The following NKAIN2 variants were observed in gnomAD, a reference collection of about 807,000 sequenced individuals.
The protein encoded by NKAIN2 is sodium/potassium-transporting ATPase subunit beta-1-interacting protein 2.
NKAIN2 carries 14 observed loss-of-function variants against 32.6 expected under a neutral mutation model. That is an observed-to-expected ratio of 0.43 (90% CI 0.28 to 0.67). The LOEUF (loss-of-function observed/expected upper bound fraction) is 0.67, where lower values mean the gene tolerates loss of function less well. Among genes scored for constraint, NKAIN2 ranks in the 30% least tolerant of loss-of-function variants. The pLI is 0.17. For missense variants in NKAIN2, 198 were observed against 258.3 expected (o/e 0.77, Z 1.60); for synonymous variants, 80 against 87.2 (o/e 0.92, Z 0.46).
intron 3 of NKAIN2, among the ~76,000 whole-genome samples, chr6:124,626,613 A>C (rs1302350717): frequency 6.6e-6 from 1 of 152,162 alleles, no homozygotes; most frequent in East Asian, 1.9e-4. Context: ...TAGTAGTCAA[A>C]AAGGGAATTA....
chr6:124,522,770 C>A (rs1192330697), intron 3 of NKAIN2, among the ~76,000 whole-genome samples: 1 of 152,018 alleles, frequency 6.6e-6, no homozygotes, highest in Non-Finnish European at 1.5e-5. Context: ...GATGGAAAAT[C>A]TATATTGATA....
chr6:124,243,585 C>T (rs111611659), intron 1 of NKAIN2, among the ~76,000 whole-genome samples: 1,606 of 152,008 alleles, frequency 0.011, 12 homozygotes, highest in Non-Finnish European at 0.016. Context: ...AAATGTCATC[C>T]ATATGGATCT....
chr6:124,458,095 A>G (rs1776391371), intron 3 of NKAIN2, among the ~76,000 whole-genome samples: 1 of 151,878 alleles, frequency 6.6e-6, no homozygotes, highest in Non-Finnish European at 1.5e-5. Flanking sequence ...AAATAATTAT[A>G]TTTTCATAGC....
At chr6:123,925,350 A>C (rs1775960123) in intron 1 of NKAIN2, among the ~76,000 whole-genome samples, 1 of 152,206 alleles carries the variant, frequency 6.6e-6, no homozygotes, top group Non-Finnish European at 1.5e-5. Flanking sequence ...ATCTGGAAAC[A>C]CTAGCAGTAT....
intron 3 of NKAIN2, among the ~76,000 whole-genome samples, chr6:124,387,098 T>C (rs2114397878): frequency 6.6e-6 from 1 of 152,272 alleles, no homozygotes; most frequent in South Asian, 2.1e-4. Context: ...GCATAGTGTT[T>C]TGAAAACATG....
At chr6:124,122,912 A>G (rs928481552) in intron 1 of NKAIN2, among the ~76,000 whole-genome samples, 2 of 152,166 alleles carry the variant, frequency 1.3e-5, no homozygotes, top group African/African-American at 4.8e-5. Context: ...AGAGAATTGC[A>G]TAGAATTTTT....
chr6:124,337,232 C>T (rs1441449491), intron 2 of NKAIN2, among the ~76,000 whole-genome samples: 1 of 152,140 alleles, frequency 6.6e-6, no homozygotes, highest in African/African-American at 2.4e-5. Context: ...TGTGGTGGCT[C>T]ACGCCTGTAA....
intron 1 of NKAIN2, among the ~76,000 whole-genome samples, chr6:124,225,330 A>G (rs548159998): frequency 3.3e-4 from 50 of 152,120 alleles, no homozygotes; most frequent in African/African-American, 1.2e-3. Context: ...GTCATTTATG[A>G]TACTATGTCT....
intron 2 of NKAIN2, among the ~76,000 whole-genome samples, chr6:124,333,650 A>G (rs1797752703): frequency 6.7e-6 from 1 of 148,266 alleles, no homozygotes; most frequent in Admixed American, 7.1e-5. Flanking sequence ...ACAGAGTGAG[A>G]CTCAGTCTCT....
At chr6:124,186,293 A>G (rs1789738746) in intron 1 of NKAIN2, among the ~76,000 whole-genome samples, 1 of 151,992 alleles carries the variant, frequency 6.6e-6, no homozygotes, top group South Asian at 2.1e-4. Context: ...AGAGAGAGAG[A>G]ATAGCTGGGC....
rs966402462 is a variant in NKAIN2 at position 124,074,095 on chromosome 6, C to G, written c.55-208910C>G. On this transcript the variant is annotated intron_variant, in intron 1 of 6. Transcript: ENST00000368417. ...TTCATGGGGCAAAGACCAGAGGAGA[C>G]CAGGCACAAACTTTCAAGAATCATC... 3.3e-5 allele frequency among the ~76,000 whole-genome samples: 5 copies of G among 152,186 alleles called. No individual in the cohort carries two copies. In the East Asian group the frequency reaches 7.7e-4, roughly 24 times the overall value.
intron 3 of NKAIN2, among the ~76,000 whole-genome samples, chr6:124,374,982 T>A (rs1022977081): frequency 9.2e-5 from 14 of 152,066 alleles, no homozygotes; most frequent in Admixed American, 7.2e-4. Flanking sequence ...TGCAGATTCC[T>A]CTATGGCATT....
chr6:124,222,033 A>G (rs965433042), intron 1 of NKAIN2, among the ~76,000 whole-genome samples: 2 of 152,194 alleles, frequency 1.3e-5, no homozygotes, highest in African/African-American at 2.4e-5. Flanking sequence ...CTTGCCTTCT[A>G]GATTACCATT....
chr6:124,614,633 G>T (rs1476643679), intron 3 of NKAIN2, among the ~76,000 whole-genome samples: 1 of 152,062 alleles, frequency 6.6e-6, no homozygotes, highest in Non-Finnish European at 1.5e-5. Flanking sequence ...CTGGATGGTT[G>T]TCTTTATTCA....
rs560883041 is a variant in NKAIN2 at position 124,724,589 on chromosome 6, A to C, written c.474+66203A>C. ...TTTTCACTATAGTGTAAAGGAGTACATAGATAATCTCCTAGAATAAAGGAT... is the reference window on the plus strand; with the variant it reads ...TTTTCACTATAGTGTAAAGGAGTACCTAGATAATCTCCTAGAATAAAGGAT... On this transcript the variant is annotated intron_variant, in intron 4 of 6. Transcript: ENST00000368417. Among the ~76,000 whole-genome samples, 3 of 152,320 alleles carry C rather than the reference A, an allele frequency of 2.0e-5. No homozygotes were observed. In the East Asian group the frequency reaches 5.8e-4, roughly 29 times the overall value.
intron 1 of NKAIN2, among the ~76,000 whole-genome samples, chr6:124,060,898 C>T (rs1403114318): frequency 6.6e-6 from 1 of 151,794 alleles, no homozygotes; most frequent in Non-Finnish European, 1.5e-5. Flanking sequence ...TGTCATCCAG[C>T]AATGGAAAAA....
In NKAIN2 at chr6:124,561,797, G is replaced by A. The variant is rs147920384; in HGVS notation, c.274-96389G>A. Among the ~76,000 whole-genome samples, 503 of 152,242 alleles carry A rather than the reference G, an allele frequency of 3.3e-3. 9 individuals are homozygous for A. Among genetic ancestry groups the A allele is most frequent in the Admixed American group, 0.026 (400 of 15,288 alleles). ...ATAGCCCGTTTTGAAAATATACTGG[G>A]TGGCTCCTTTGCACTTGTGGACTAT... On this transcript the variant is annotated intron_variant, in intron 3 of 6. Transcript: ENST00000368417.
At chr6:124,508,713 A>G (rs577848069) in intron 3 of NKAIN2, among the ~76,000 whole-genome samples, 163 of 152,252 alleles carry the variant, frequency 1.1e-3, no homozygotes, top group African/African-American at 3.8e-3. Flanking sequence ...AATTATTATT[A>G]TGCAGTTCTG....
intron 4 of NKAIN2, among the ~76,000 whole-genome samples, chr6:124,663,541 A>T (rs371791312): frequency 2.0e-5 from 3 of 152,334 alleles, no homozygotes; most frequent in East Asian, 1.9e-4. Context: ...TCTTAAACAG[A>T]TAGAAAATAT....
Sources: allele counts gnomAD v4.1 joint callset (sites outside exome capture counted in the v4.1 genomes callset), GRCh38; gene constraint gnomAD v4.1.1; transcripts MANE v1.5; gene names NCBI Gene and HGNC (gene_info 2026-07-23, HGNC 2026-07-21).